Variants in PLXNA2 observed in about 807,000 individuals in gnomAD.
PLXNA2 encodes the protein plexin A2.
Under a neutral mutation model 193.5 loss-of-function variants are expected in PLXNA2, and 91 were observed. The observed-to-expected ratio is 0.47, with a 90% confidence interval of 0.40 to 0.56. PLXNA2 has a LOEUF of 0.56. Ranked by LOEUF, PLXNA2 falls within the 20% of genes least tolerant of loss-of-function variation. PLXNA2 has a pLI of 0.00. For missense variants in PLXNA2, 1,995 were observed against 2,503.2 expected, an observed-to-expected ratio of 0.80 and a Z score of 4.33; for synonymous variants, 997 against 1,027.3, an observed-to-expected ratio of 0.97 and a Z score of 0.56.
At position 208,042,238 on chromosome 1, in the gene PLXNA2, G is replaced by A. The variant is rs746616748; in HGVS notation, c.4146C>T (p.Asp1382=). 2 of 1,614,254 alleles carry A rather than the reference G, an allele frequency of 1.2e-6. No homozygotes were observed. Among genetic ancestry groups the A allele is most frequent in the Admixed American group, 1.7e-5 (1 of 60,032 alleles). Residue 1382 remains aspartate, a synonymous_variant, in exon 22 of 32, where the codon GAC becomes GAT. Coordinates refer to ENST00000367033, the MANE Select transcript of PLXNA2 (RefSeq NM_025179.4). ...TGATGAGCGAAGCCACGTTGCCCCG[G>A]TCGCGCATGGAGAAACTGCGCTGCA... The part of the protein sequence containing the change: ...LELQRSFSMR[D]RGNVASLIMT...
chr1:208,211,027 A>G (rs1049032376), intron 2 of PLXNA2, among the ~76,000 whole-genome samples: 4 of 152,230 alleles, frequency 2.6e-5, no homozygotes, highest in Admixed American at 2.6e-4. Flanking sequence ...CTAGCTCCCT[A>G]CTATCTTTCC....
At chr1:208,035,852 A>G (rs940025326) in intron 26 of PLXNA2, among the ~76,000 whole-genome samples, 1 of 152,230 alleles carries the variant, frequency 6.6e-6, no homozygotes, top group African/African-American at 2.4e-5. Context: ...CATTAGTGCT[A>G]ACGAGATTCC....
intron 3 of PLXNA2, among the ~76,000 whole-genome samples, chr1:208,206,093 C>T (rs1670711375): frequency 6.6e-6 from 1 of 152,178 alleles, no homozygotes; most frequent in African/African-American, 2.4e-5. Context: ...TAAAGCTCTT[C>T]AATAGCATGT....
chr1:208,030,943 G>T (rs547705474), intron 29 of PLXNA2: 1 of 986,546 alleles, frequency 1.0e-6, no homozygotes, highest in Non-Finnish European at 1.2e-6. Flanking sequence ...CTGCTGGTCT[G>T]GTTGCAGAGA....
At chr1:208,123,938 A>T (rs1667884125) in intron 4 of PLXNA2, among the ~76,000 whole-genome samples, 1 of 152,186 alleles carries the variant, frequency 6.6e-6, no homozygotes, top group Non-Finnish European at 1.5e-5. Flanking sequence ...ATGACCAGGT[A>T]TCTATTCCAT....
At chr1:208,214,684 GCA>G (rs928228664) in intron 2 of PLXNA2, among the ~76,000 whole-genome samples, 12 of 152,078 alleles carry the variant, frequency 7.9e-5, no homozygotes, top group Non-Finnish European at 7.4e-5. Context: ...ACCTACTTTT[GCA>G]CTTCTCACAC....
At chr1:208,172,079 G>A (rs2102532237) in intron 3 of PLXNA2, among the ~76,000 whole-genome samples, 1 of 150,478 alleles carries the variant, frequency 6.6e-6, no homozygotes, top group South Asian at 2.1e-4. Flanking sequence ...GTTGTGCAGT[G>A]AGATAAGCAC....
intron 9 of PLXNA2, among the ~76,000 whole-genome samples, chr1:208,089,581 A>G (rs569665977): frequency 2.6e-5 from 4 of 152,336 alleles, no homozygotes; most frequent in South Asian, 2.1e-4. Context: ...TTGAATTTCT[A>G]TAAGTTCCCA....
At chr1:208,239,230 C>T (rs1027908981) in intron 1 of PLXNA2, among the ~76,000 whole-genome samples, 2 of 151,930 alleles carry the variant, frequency 1.3e-5, no homozygotes, top group African/African-American at 4.8e-5. Context: ...GTGGAGATAA[C>T]CTGCTACTTC....
chr1:208,149,453 TTGTATGTGG>T (rs1668688937), intron 3 of PLXNA2, among the ~76,000 whole-genome samples: 1 of 151,888 alleles, frequency 6.6e-6, no homozygotes, highest in African/African-American at 2.4e-5. Context: ...ATGGTATGTG[TTGTATGTGG>T]TGTATGTATG....
chr1:208,136,321 A>G (rs1668300093), intron 4 of PLXNA2, among the ~76,000 whole-genome samples: 1 of 152,274 alleles, frequency 6.6e-6, no homozygotes, highest in Non-Finnish European at 1.5e-5. Flanking sequence ...GTTACAAAGC[A>G]GTAAATAACC....
chr1:208,038,673 T>A lies in PLXNA2; in HGVS notation c.4660+152A>T. The A allele has an allele frequency of 1.1e-6, 1 of 871,858 alleles. No individual in the cohort carries two copies. The highest frequency in any genetic ancestry group is 1.6e-5 in the South Asian group (1 of 62,066). The allele number at this position is 871,858 out of a possible 1,614,324, so 54.0% of individuals were successfully genotyped here. On this transcript the variant is annotated intron_variant, in intron 25 of 31. Coordinates refer to ENST00000367033, the MANE Select transcript of PLXNA2 (RefSeq NM_025179.4). This position sits in a 1 kb window ranked among gnomAD's most constrained non-coding sequence, Gnocchi z 4.1. Reference sequence around the variant, plus strand: ...GTAGACCTCCCCAGAGACAGCCACATCTGAACAGGCAGCGCTCAAAGCGGG... The same window carrying A: ...GTAGACCTCCCCAGAGACAGCCACAACTGAACAGGCAGCGCTCAAAGCGGG...
intron 4 of PLXNA2, among the ~76,000 whole-genome samples, chr1:208,126,618 C>T (rs1244031410): frequency 6.6e-6 from 1 of 152,182 alleles, no homozygotes; most frequent in Non-Finnish European, 1.5e-5. Flanking sequence ...AAACCGAAGG[C>T]TTAATGAGGA....
Position 208,045,224 on chromosome 1 carries a change from C to T in PLXNA2, c.3496-14G>A. The T allele has an allele frequency of 6.2e-7, 1 of 1,612,952 alleles. No homozygotes were observed. The highest frequency in any genetic ancestry group is 8.5e-7 in the Non-Finnish European group (1 of 1,179,030). On this transcript the variant is annotated splice_polypyrimidine_tract_variant and intron_variant, in intron 18 of 31. Coordinates refer to ENST00000367033, the MANE Select transcript of PLXNA2 (RefSeq NM_025179.4). Reference sequence around the variant, plus strand: ...GAGGTTTTTGCCCTGTAGAGAATAGCAGTCTTTATAGGCATAATTGACACA... The same window carrying T: ...GAGGTTTTTGCCCTGTAGAGAATAGTAGTCTTTATAGGCATAATTGACACA...
At position 208,042,150 on chromosome 1, in the gene PLXNA2, G is replaced by A. The variant is rs777432020; in HGVS notation, c.4234C>T (p.Leu1412Phe). The change falls in exon 22 of 32, where the codon CTC (leucine) becomes TTC (phenylalanine). Residue 1412 changes from leucine to phenylalanine, a missense_variant. Leu to Phe is a conservative substitution (Grantham distance 22). Transcript: ENST00000367033. ...TTGTTCTCCAGGTTCTTATCGATGA[G>A]GTCAGAGAGCAGCTGCTTGAGGACA... Reference protein sequence around the residue: ...TDVLKQLLSDLIDKNLENKNH... With the variant: ...TDVLKQLLSDFIDKNLENKNH... The A allele has an allele frequency of 1.1e-5, 18 of 1,614,200 alleles. No homozygotes were observed. Among genetic ancestry groups the A allele is most frequent in the Non-Finnish European group, 1.4e-5 (17 of 1,180,036 alleles).
At chr1:208,029,740 T>C in intron 29 of PLXNA2, 1 of 985,660 alleles carries the variant, frequency 1.0e-6, no homozygotes, top group Non-Finnish European at 1.2e-6. Flanking sequence ...GGAGACTTCC[T>C]TCTGCAACTC....
At chr1:208,233,867 G>A (rs1015149622) in intron 1 of PLXNA2, among the ~76,000 whole-genome samples, 1 of 152,206 alleles carries the variant, frequency 6.6e-6, no homozygotes, top group African/African-American at 2.4e-5. Context: ...GCTGTGGATG[G>A]AGGAAAGCTG....
chr1:208,050,724 G>A (rs1265834004), intron 17 of PLXNA2, among the ~76,000 whole-genome samples: 1 of 152,154 alleles, frequency 6.6e-6, no homozygotes, highest in Admixed American at 6.5e-5. Flanking sequence ...AGCTACTCAG[G>A]AGGTTGAGGC....
chr1:208,034,395 G>T lies in PLXNA2; in HGVS notation c.4864+98C>A, dbSNP rs573509595. 1.2e-5 allele frequency: 9 copies of T among 771,350 alleles called. No homozygotes were observed. The South Asian group carries it at 1.3e-4, about 12-fold the overall frequency. The allele number at this position is 771,350 out of a possible 1,614,324, so 47.8% of individuals were successfully genotyped here. A position where few individuals can be genotyped will look rare whatever the true frequency, so the allele number is the denominator to read the frequency against. ...GGAGCCTGTGATTGGGCCAGCAGCAGCAAGGGCTGCCTGCTGTTAGAAGGG... is the reference window on the plus strand; with the variant it reads ...GGAGCCTGTGATTGGGCCAGCAGCATCAAGGGCTGCCTGCTGTTAGAAGGG... On this transcript the variant is annotated intron_variant, in intron 27 of 31. Transcript: ENST00000367033.
Sources: allele counts gnomAD v4.1 joint callset (sites outside exome capture counted in the v4.1 genomes callset), GRCh38; gene constraint gnomAD v4.1.1; non-coding constraint Gnocchi (gnomAD v3.1); transcripts MANE v1.5; gene names NCBI Gene and HGNC (gene_info 2026-07-23, HGNC 2026-07-21).